MYOF: variants seen among roughly 807,000 people sequenced by gnomAD.
MYOF encodes fer-1-like 3, myoferlin.
Under a neutral mutation model 284.2 loss-of-function variants are expected in MYOF, and 244 were observed. That is an observed-to-expected ratio of 0.86 (90% confidence interval 0.77 to 0.95). MYOF has a LOEUF of 0.95. Ranked by LOEUF, MYOF falls within the 40% of genes least tolerant of loss-of-function variation. The probability of loss-of-function intolerance (pLI) is 0.00; values close to 1 mark genes in which losing one functional copy is unlikely to be tolerated. For missense variants in MYOF, 2,496 were observed against 2,560.6 expected, an observed-to-expected ratio of 0.97 and a Z score of 0.54; for synonymous variants, 904 against 919.7, an observed-to-expected ratio of 0.98 and a Z score of 0.31.
Position 93,306,918 on chromosome 10 carries a change from T to TTCTC in MYOF, c.*41_*44dup. On this transcript the variant is annotated 3_prime_UTR_variant, in exon 54 of 54. Coordinates refer to ENST00000359263, the MANE Select transcript of MYOF (RefSeq NM_013451.4). ...TGGATGTTGGTCTACAGAGGCAGGA[T>TTCTC]TCTCTCATTGCTGGATGACTCTTGA... The TTCTC allele has an allele frequency of 6.3e-7, 1 of 1,591,958 alleles. No homozygotes were observed. The highest frequency in any genetic ancestry group is 1.1e-5 in the South Asian group (1 of 90,402).
At chr10:93,326,603 C>T (rs979567886) in intron 45 of MYOF, among the ~76,000 whole-genome samples, 3 of 152,134 alleles carry the variant, frequency 2.0e-5, no homozygotes, top group Non-Finnish European at 4.4e-5. Context: ...GTTTTTACAG[C>T]AGCTGGCATC....
chr10:93,462,333 G>T (rs2056904209), intron 1 of MYOF, among the ~76,000 whole-genome samples: 1 of 152,158 alleles, frequency 6.6e-6, no homozygotes, highest in Non-Finnish European at 1.5e-5. Context: ...GCCTCCCAAA[G>T]TGCTGGGATT....
At chr10:93,366,309 G>A in intron 26 of MYOF, 83 bp downstream of exon 26, 2 of 1,403,364 alleles carry the variant, frequency 1.4e-6, no homozygotes, top group South Asian at 1.2e-5. Flanking sequence ...TTATCAAGAT[G>A]ATGACGGAGA....
At chr10:93,355,517 T>G (rs1844754275) in intron 31 of MYOF, 111 bp downstream of exon 31, 1 of 724,296 alleles carries the variant, frequency 1.4e-6, no homozygotes, top group Non-Finnish European at 2.2e-6. Context: ...ACCTGGGAGG[T>G]TGCAGCGAGC....
intron 31 of MYOF, among the ~76,000 whole-genome samples, chr10:93,355,090 C>T (rs1844735023): frequency 6.6e-6 from 1 of 152,172 alleles, no homozygotes; most frequent in Non-Finnish European, 1.5e-5. Context: ...AGAATGAGCA[C>T]ATATGAGATA....
chr10:93,415,171 C>G (rs781582620), intron 5 of MYOF, among the ~76,000 whole-genome samples: 3 of 152,112 alleles, frequency 2.0e-5, no homozygotes, highest in Non-Finnish European at 4.4e-5. Context: ...TTACCCCTAC[C>G]CCAGGTTAGA....
At chr10:93,359,076 C>T (rs1018241995) in intron 29 of MYOF, among the ~76,000 whole-genome samples, 1 of 151,996 alleles carries the variant, frequency 6.6e-6, no homozygotes, top group Admixed American at 6.6e-5. Flanking sequence ...AGAAGCTCAC[C>T]ATCTAATAAA....
intron 43 of MYOF, among the ~76,000 whole-genome samples, chr10:93,332,571 C>T (rs564055954): frequency 9.3e-5 from 14 of 149,822 alleles, no homozygotes; most frequent in South Asian, 4.4e-4. Flanking sequence ...CTCAGCCTGT[C>T]GCGGTGGCTC....
At chr10:93,380,107 T>G (rs1589470110) in intron 20 of MYOF, 120 bp from the exon 21 acceptor site, 1 of 1,265,100 alleles carries the variant, frequency 7.9e-7, no homozygotes, top group Non-Finnish European at 1.1e-6. Context: ...TAGCTTGAGG[T>G]GGTCTGGTTC....
intron 45 of MYOF, 27 bp from the exon 46 acceptor site, chr10:93,325,992 G>C (rs2133782779): frequency 1.9e-6 from 3 of 1,613,770 alleles, no homozygotes; most frequent in Non-Finnish European, 2.5e-6. Context: ...CATTGAAGCA[G>C]GAATGAGTAT....
intron 5 of MYOF, among the ~76,000 whole-genome samples, chr10:93,415,745 T>C (rs1848091972): frequency 6.6e-6 from 1 of 152,216 alleles, no homozygotes; most frequent in Non-Finnish European, 1.5e-5. Context: ...ACAGATCCTA[T>C]CTCCTGTTGC....
intron 3 of MYOF, among the ~76,000 whole-genome samples, chr10:93,439,194 TAACACC>T (rs1434511767): frequency 6.7e-6 from 1 of 148,196 alleles, no homozygotes; most frequent in Non-Finnish European, 1.5e-5. Flanking sequence ...CCTTTGCAGG[TAACACC>T]TGCAAAGGGC....
chr10:93,368,284 G>C (rs1845419684), intron 25 of MYOF, among the ~76,000 whole-genome samples: 1 of 152,176 alleles, frequency 6.6e-6, no homozygotes. Context: ...TGAGCTGCAA[G>C]GGCTTGTATG....
At chr10:93,359,108 G>A (rs964879702) in intron 29 of MYOF, among the ~76,000 whole-genome samples, 2 of 152,092 alleles carry the variant, frequency 1.3e-5, no homozygotes, top group Non-Finnish European at 2.9e-5. Context: ...AGTGCCTACC[G>A]GAGTTACCCA....
At chr10:93,317,601 C>A (rs934055342) in intron 49 of MYOF, among the ~76,000 whole-genome samples, 2 of 152,166 alleles carry the variant, frequency 1.3e-5, no homozygotes, top group Non-Finnish European at 2.9e-5. Context: ...CATACCACTG[C>A]ACTCCAGCCT....
chr10:93,452,639 G>A (rs1379132677), intron 2 of MYOF, among the ~76,000 whole-genome samples: 1 of 151,568 alleles, frequency 6.6e-6, no homozygotes, highest in Non-Finnish European at 1.5e-5. Context: ...CACCAACATG[G>A]CACATGTATA....
At chr10:93,396,255 A>C in intron 15 of MYOF, 31 bp from the exon 16 acceptor site, 1 of 1,487,788 alleles carries the variant, frequency 6.7e-7, no homozygotes, top group Non-Finnish European at 9.1e-7. Flanking sequence ...AAAAAATAAA[A>C]AATAAAAGGT....
intron 19 of MYOF, among the ~76,000 whole-genome samples, chr10:93,383,314 T>C (rs1846212993): frequency 6.6e-6 from 1 of 152,014 alleles, no homozygotes. Flanking sequence ...GTTAAAGGAG[T>C]TTTTGACATG....
chr10:93,340,289 T>TA (rs1349303108), intron 38 of MYOF, 125 bp from the exon 39 acceptor site: 3 of 906,908 alleles, frequency 3.3e-6, no homozygotes, highest in African/African-American at 1.7e-5. Context: ...GCATGCCTTA[T>TA]ATTATCAACA....
Sources: allele counts gnomAD v4.1 joint callset (sites outside exome capture counted in the v4.1 genomes callset), GRCh38; gene constraint gnomAD v4.1.1; transcripts MANE v1.5; gene names NCBI Gene and HGNC (gene_info 2026-07-23, HGNC 2026-07-21).